CADM2: variants seen among roughly 807,000 people sequenced by gnomAD.
CADM2 encodes the protein cell adhesion molecule 2, also known as immunoglobulin superfamily member 4D.
Under a neutral mutation model 49.8 loss-of-function variants are expected in CADM2, and 12 were observed. The observed-to-expected ratio is 0.24, with a 90% CI of 0.15 to 0.39. The LOEUF (loss-of-function observed/expected upper bound fraction) is 0.39, where lower values mean the gene tolerates loss of function less well. Ranked by LOEUF, CADM2 falls within the 10% of genes least tolerant of loss-of-function variation. CADM2 has a pLI of 1.00. For missense variants in CADM2, 378 were observed against 492.3 expected, an observed-to-expected ratio of 0.77 and a Z score of 2.20; for synonymous variants, 214 against 175.4, an observed-to-expected ratio of 1.22 and a Z score of -1.74.
chr3:85,995,861 G>A (rs937020138), intron 8 of CADM2, among the ~76,000 whole-genome samples: 4 of 152,156 alleles, frequency 2.6e-5, no homozygotes, highest in Non-Finnish European at 4.4e-5. Flanking sequence ...AGGCCAAGGC[G>A]GGTGGATCAC....
At chr3:85,679,301 C>A (rs2065972752) in intron 1 of CADM2, among the ~76,000 whole-genome samples, 1 of 151,868 alleles carries the variant, frequency 6.6e-6, no homozygotes, top group Non-Finnish European at 1.5e-5. Flanking sequence ...CGCAGAGGAT[C>A]TAGAGGGGGA....
At chr3:85,377,671 T>C (rs1559808950) in intron 1 of CADM2, among the ~76,000 whole-genome samples, 1 of 152,088 alleles carries the variant, frequency 6.6e-6, no homozygotes, top group Non-Finnish European at 1.5e-5. Flanking sequence ...GTGACCTTTA[T>C]AGGTGTATAC....
intron 1 of CADM2, among the ~76,000 whole-genome samples, chr3:85,164,757 C>T (rs981852576): frequency 2.0e-5 from 3 of 151,948 alleles, no homozygotes; most frequent in Non-Finnish European, 4.4e-5. Context: ...CTTTCACATG[C>T]TTAAACATGA....
intron 1 of CADM2, among the ~76,000 whole-genome samples, chr3:85,623,139 A>G (rs891966675): frequency 5.3e-5 from 8 of 152,132 alleles, no homozygotes; most frequent in African/African-American, 1.9e-4. Context: ...GCTGTGGACA[A>G]AATGTCACTT....
rs1249765884 is a variant in CADM2, at chr3:85,297,455, A to G, written c.61+337787A>G. Among the ~76,000 whole-genome samples, 6 of 152,082 alleles carry G rather than the reference A, an allele frequency of 3.9e-5. No homozygotes were observed. In the East Asian group the frequency reaches 1.2e-3, roughly 30 times the overall value. On this transcript the variant is annotated intron_variant, in intron 1 of 9. Coordinates refer to ENST00000383699, the MANE Select transcript of CADM2 (RefSeq NM_001167675.2). ...TGATACTCAGAATCCTTTGGATGAC[A>G]TTTTTGTTATTGGCAGCTCTTTCAG...
chr3:84,959,890 C>T (rs1405927747), intron 1 of CADM2, among the ~76,000 whole-genome samples: 2 of 152,106 alleles, frequency 1.3e-5, no homozygotes, highest in Non-Finnish European at 2.9e-5. Context: ...CAGCCCCTTA[C>T]GCGGCACCTT....
chr3:85,826,715 A>G (rs1401083772), intron 3 of CADM2, among the ~76,000 whole-genome samples: 1 of 151,956 alleles, frequency 6.6e-6, no homozygotes, highest in African/African-American at 2.4e-5. Context: ...TTCATTGATT[A>G]CTCAGATGGC....
At chr3:85,662,783 A>T (rs897612359) in intron 1 of CADM2, among the ~76,000 whole-genome samples, 1 of 152,076 alleles carries the variant, frequency 6.6e-6, no homozygotes, top group African/African-American at 2.4e-5. Flanking sequence ...TAGATATTAA[A>T]TATAGCACTT....
At chr3:85,834,585 A>G (rs2074323681) in intron 3 of CADM2, among the ~76,000 whole-genome samples, 1 of 151,646 alleles carries the variant, frequency 6.6e-6, no homozygotes, top group Non-Finnish European at 1.5e-5. Flanking sequence ...ATAATGATAT[A>G]AACACTTGTT....
chr3:85,494,947 GT>G (rs2039826932), intron 1 of CADM2, among the ~76,000 whole-genome samples: 2 of 152,208 alleles, frequency 1.3e-5, no homozygotes, highest in East Asian at 3.9e-4. Flanking sequence ...CATGATTTAT[GT>G]TATTTAAAGT....
chr3:85,290,594 G>A (rs1480877637), intron 1 of CADM2, among the ~76,000 whole-genome samples: 1 of 152,194 alleles, frequency 6.6e-6, no homozygotes. Context: ...GGAGATCTGA[G>A]AAGGGGCAGA....
rs796467067 is a variant in CADM2, at chr3:85,898,937, G to GTGTATATATATA, written c.529+12611_529+12612insGTATATATATAT. Among the ~76,000 whole-genome samples, 168 of 46,652 alleles carry GTGTATATATATA rather than the reference G, an allele frequency of 3.6e-3. 12 individuals carry two copies. Among genetic ancestry groups the GTGTATATATATA allele is most frequent in the African/African-American group, 0.017 (146 of 8,664 alleles). The allele number at this position is 46,652 out of a possible 152,430, so 30.6% of individuals were successfully genotyped here. A position where few individuals can be genotyped will look rare whatever the true frequency, so the allele number is the denominator to read the frequency against. On this transcript the variant is annotated intron_variant, in intron 5 of 9. Coordinates refer to ENST00000383699, the MANE Select transcript of CADM2 (RefSeq NM_001167675.2). ...TCATAAAATCCAATTCATTTATTGT[G>GTGTATATATATA]TATATATATATATATATATTTTTTT...
intron 1 of CADM2, among the ~76,000 whole-genome samples, chr3:85,068,628 G>A (rs1003767124): frequency 1.3e-5 from 2 of 152,128 alleles, no homozygotes; most frequent in Admixed American, 1.3e-4. Flanking sequence ...CTGATGTAAT[G>A]GAGCCTCAGG....
At chr3:85,456,496 A>T (rs189697021) in intron 1 of CADM2, among the ~76,000 whole-genome samples, 5 of 152,324 alleles carry the variant, frequency 3.3e-5, no homozygotes, top group Admixed American at 1.3e-4. Context: ...GTCTTAAGCA[A>T]GTTTCCAAAA....
Position 86,067,010 on chromosome 3 carries a change from A to G in CADM2, c.*227A>G. On this transcript the variant is annotated 3_prime_UTR_variant, in exon 10 of 10. Transcript: ENST00000383699. ...TTTCTTACTGCCTAAATTTCACACC[A>G]TTGCTCTTTTAACATACAGTGCTTG... The G allele has an allele frequency of 1.9e-6, 1 of 513,552 alleles. No individual in the cohort carries two copies. The highest frequency in any genetic ancestry group is 3.4e-5 in the Admixed American group (1 of 29,016). 31.8% of individuals were successfully genotyped at this position (513,552 alleles called of 1,614,324 possible).
chr3:85,976,778 G>A (rs1726832528), intron 8 of CADM2, among the ~76,000 whole-genome samples: 1 of 151,414 alleles, frequency 6.6e-6, no homozygotes. Flanking sequence ...GAGGATAAGG[G>A]AGAATGCTGA....
chr3:85,994,459 A>G (rs1036801953), intron 8 of CADM2: 4 of 152,154 alleles, frequency 2.6e-5, no homozygotes, highest in African/African-American at 9.7e-5. Flanking sequence ...TTGCTCCCTT[A>G]TAATTTACAT....
At chr3:85,879,268 G>A (rs1328015888) in intron 3 of CADM2, among the ~76,000 whole-genome samples, 4 of 151,858 alleles carry the variant, frequency 2.6e-5, no homozygotes, top group Admixed American at 6.6e-5. Context: ...AAAGTGTGCT[G>A]TATCCAAATT....
At chr3:85,933,587 T>G (rs532287616) in intron 6 of CADM2, among the ~76,000 whole-genome samples, 1 of 152,172 alleles carries the variant, frequency 6.6e-6, no homozygotes, top group East Asian at 1.9e-4. Context: ...AAAGGAGATT[T>G]ATTGTGAGGA....
Sources: allele counts gnomAD v4.1 joint callset (sites outside exome capture counted in the v4.1 genomes callset), GRCh38; gene constraint gnomAD v4.1.1; transcripts MANE v1.5; gene names NCBI Gene and HGNC (gene_info 2026-07-23, HGNC 2026-07-21).